DARS2: variants seen among roughly 807,000 people sequenced by gnomAD.
DARS2 encodes aspartyl-tRNA synthetase 2, mitochondrial, also known as aspartate--tRNA ligase, mitochondrial.
A neutral mutation model predicts 83.0 loss-of-function variants in DARS2; 63 were observed. The observed-to-expected ratio is 0.76, with a 90% CI of 0.62 to 0.94. The LOEUF (loss-of-function observed/expected upper bound fraction) is 0.94, where lower values mean the gene tolerates loss of function less well. DARS2 is among the 40% of genes least tolerant of loss of function. The pLI is 0.00. For synonymous variants in DARS2, 250 were observed against 269.3 expected (o/e 0.93, Z 0.70); for missense variants, 675 against 774.4 (o/e 0.87, Z 1.52).
intron 5 of DARS2, among the ~76,000 whole-genome samples, chr1:173,832,718 G>A (rs923564072): frequency 8.8e-5 from 13 of 148,024 alleles, no homozygotes; most frequent in African/African-American, 2.2e-4. Flanking sequence ...GCAGTGAGCC[G>A]AGATCATGCC....
intron 9 of DARS2, among the ~76,000 whole-genome samples, chr1:173,838,557 A>C (rs568337937): frequency 6.6e-6 from 1 of 152,154 alleles, no homozygotes; most frequent in African/African-American, 2.4e-5. Context: ...GTGGTCAGCA[A>C]CTAAGGAATG....
intron 15 of DARS2, among the ~76,000 whole-genome samples, chr1:173,855,492 T>C (rs1047664701): frequency 7.9e-5 from 12 of 151,720 alleles, no homozygotes; most frequent in African/African-American, 2.9e-4. Flanking sequence ...TTTAAAAAGA[T>C]GGAGTCTCAC....
chr1:173,826,665 C>CTTTTTT, intron 1 of DARS2, 22 bp from the exon 2 acceptor site: 2 of 1,260,692 alleles, frequency 1.6e-6, no homozygotes, highest in African/African-American at 1.7e-5. Context: ...TTTAAAGTTT[C>CTTTTTT]TTTTTTTTTT....
rs150878822 is a variant in DARS2, at chr1:173,856,398, T to A, written c.1675-268T>A. On this transcript the variant is annotated intron_variant, in intron 15 of 16. Transcript: ENST00000649689. Reference sequence around the variant, plus strand: ...ATTTGGTCTCACTCTGTTTGCATTGTGAATACAGTAAAAGCTGCATTTACT... The same window carrying A: ...ATTTGGTCTCACTCTGTTTGCATTGAGAATACAGTAAAAGCTGCATTTACT... Among the ~76,000 whole-genome samples, 14 of 152,378 alleles carry A rather than the reference T, an allele frequency of 9.2e-5. No homozygotes were observed. The East Asian group carries it at 2.7e-3, about 29-fold the overall frequency.
chr1:173,831,436 C>A, intron 4 of DARS2, 99 bp from the exon 5 acceptor site: 1 of 946,756 alleles, frequency 1.1e-6, no homozygotes, highest in Non-Finnish European at 1.7e-6. Context: ...GGACTTTGCA[C>A]ATTTTACATA....
rs1317399226 is a variant in DARS2, at chr1:173,839,462, G to T, written c.936G>T (p.Val312=). The change falls in exon 10 of 17, where the codon GTG becomes GTT. Residue 312 remains valine, a synonymous_variant. Transcript: ENST00000649689. ...QYSWPNDKDP[V]VVPFPTMTFA... ...CCTGGCCCAATGACAAAGATCCTGT[G>T]GTTGTTCCTTTTCCTACTATGACTT... 6.2e-7 allele frequency: 1 copy of T among 1,613,972 alleles called. No homozygotes were observed. Among genetic ancestry groups the T allele is most frequent in the African/African-American group, 1.3e-5 (1 of 74,918 alleles).
At chr1:173,826,106 C>T (rs906633825) in intron 1 of DARS2, among the ~76,000 whole-genome samples, 16 of 151,890 alleles carry the variant, frequency 1.1e-4, no homozygotes, top group African/African-American at 3.6e-4. Flanking sequence ...CGCCTGTAGT[C>T]CCCGCTGCTG....
intron 2 of DARS2, 105 bp downstream of exon 2, chr1:173,826,891 A>T (rs1652604531): frequency 1.2e-6 from 1 of 847,770 alleles, no homozygotes; most frequent in Non-Finnish European, 2.0e-6. Flanking sequence ...ACGTTTTGCA[A>T]CTCCTGCAGG....
chr1:173,834,428 T>G (rs757747920), intron 6 of DARS2, 45 bp from the exon 7 acceptor site: 3 of 1,457,168 alleles, frequency 2.1e-6, no homozygotes, highest in Non-Finnish European at 2.9e-6. Flanking sequence ...ATATGACAAA[T>G]TTCACATTCC....
intron 10 of DARS2, among the ~76,000 whole-genome samples, chr1:173,840,232 A>G (rs1364123127): frequency 1.3e-5 from 2 of 152,112 alleles, no homozygotes; most frequent in African/African-American, 4.8e-5. Flanking sequence ...AATATGGAAT[A>G]GTGGTTCTTT....
In DARS2 at chr1:173,857,941, T is replaced by C. The variant is rs1484252696; in HGVS notation, c.*236T>C. 5.7e-6 allele frequency: 3 copies of C among 530,194 alleles called. No individual in the cohort carries two copies. The highest frequency in any genetic ancestry group is 3.1e-5 in the Admixed American group (1 of 31,880). The allele number at this position is 530,194 out of a possible 1,614,324, so 32.8% of individuals were successfully genotyped here. A position where few individuals can be genotyped will look rare whatever the true frequency, so the allele number is the denominator to read the frequency against. ...TAGGACTTTTTTTGAAGTTCCTTTT[T>C]ACTTAGGTGTGAAAGATGGTTCTTT... is the stretch of plus-strand genomic sequence containing the variant. On this transcript the variant is annotated 3_prime_UTR_variant, in exon 17 of 17. Coordinates refer to ENST00000649689, the MANE Select transcript of DARS2 (RefSeq NM_018122.5).
chr1:173,830,252 T>C (rs1652745472), intron 3 of DARS2, among the ~76,000 whole-genome samples: 1 of 152,202 alleles, frequency 6.6e-6, no homozygotes, highest in African/African-American at 2.4e-5. Context: ...AATTATCTTT[T>C]AGGGATCAAC....
Position 173,857,803 on chromosome 1 carries a change from A to G in DARS2, c.*98A>G, listed in dbSNP as rs145246788. On this transcript the variant is annotated 3_prime_UTR_variant, in exon 17 of 17. Coordinates refer to ENST00000649689, the MANE Select transcript of DARS2 (RefSeq NM_018122.5). The stretch of plus-strand genomic sequence containing the variant: ...CTAGAGTTCTGCCACAGGTCTAACA[A>G]TCAAGTCTTTAGATGGAAGGAATCC... 1.8e-4 allele frequency: 232 copies of G among 1,308,076 alleles called. No homozygotes were observed. The East Asian group carries it at 5.5e-3, about 31-fold the overall frequency. 81.0% of individuals were successfully genotyped at this position (1,308,076 alleles called of 1,614,324 possible). A position where few individuals can be genotyped will look rare whatever the true frequency, so the allele number is the denominator to read the frequency against.
intron 12 of DARS2, among the ~76,000 whole-genome samples, chr1:173,848,762 T>G (rs1025752080): frequency 1.3e-5 from 2 of 152,236 alleles, no homozygotes; most frequent in Admixed American, 1.3e-4. Context: ...TTGATCATTT[T>G]TCATTTAATG....
chr1:173,825,031 A>G lies in DARS2; in HGVS notation c.-199A>G. 1 of 614,218 alleles carries G rather than the reference A, an allele frequency of 1.6e-6. No homozygotes were observed. The highest frequency in any genetic ancestry group is 2.8e-6 in the Non-Finnish European group (1 of 363,432). 38.0% of individuals were successfully genotyped at this position (614,218 alleles called of 1,614,324 possible). A position where few individuals can be genotyped will look rare whatever the true frequency, so the allele number is the denominator to read the frequency against. On this transcript the variant is annotated 5_prime_UTR_variant, in exon 1 of 17. Coordinates refer to ENST00000649689, the MANE Select transcript of DARS2 (RefSeq NM_018122.5). ...TCTTTCCCTTATCTCCACCCCAGCA[A>G]GCACCCCAGAGACCTTGGAGATTTG...
chr1:173,846,286 A>C (rs1421817067), intron 12 of DARS2, among the ~76,000 whole-genome samples: 1 of 152,048 alleles, frequency 6.6e-6, no homozygotes, highest in East Asian at 1.9e-4. Context: ...AGCTGAGATC[A>C]CGCCACTGCA....
At chr1:173,838,624 T>C (rs534347599) in intron 9 of DARS2, among the ~76,000 whole-genome samples, 80 of 152,034 alleles carry the variant, frequency 5.3e-4, no homozygotes, top group Non-Finnish European at 8.2e-4. Flanking sequence ...ACAAATCTCT[T>C]ATATATTATG....
rs1196388803 is a variant in DARS2 at position 173,857,378 on chromosome 1, A to G, written c.1751-140A>G. 8.6e-6 allele frequency: 7 copies of G among 810,938 alleles called. No homozygotes were observed. The Admixed American group carries it at 1.8e-4, about 20-fold the overall frequency. The allele number at this position is 810,938 out of a possible 1,614,324, so 50.2% of individuals were successfully genotyped here. A position where few individuals can be genotyped will look rare whatever the true frequency, so the allele number is the denominator to read the frequency against. On this transcript the variant is annotated intron_variant, in intron 16 of 16. Transcript: ENST00000649689. ...CCTCTCAAACAAACAAAAGTTCTCT[A>G]AAAAGGTAGGGAACGATGGTTGGCT...
intron 13 of DARS2, among the ~76,000 whole-genome samples, chr1:173,851,291 C>G (rs1032746808): frequency 6.6e-6 from 1 of 151,454 alleles, no homozygotes. Flanking sequence ...CTACCAGCCT[C>G]CATTGGCATT....
Sources: gnomAD v4.1 joint callset for allele counts (sites outside exome capture counted in the v4.1 genomes callset) on GRCh38, gnomAD v4.1.1 for gene constraint, MANE v1.5 for transcripts, NCBI Gene and HGNC (gene_info 2026-07-23, HGNC 2026-07-21) for gene names.